KLRC1: variants seen among roughly 807,000 people sequenced by gnomAD.
KLRC1 encodes killer cell lectin like receptor C1, also known as NKG2-A/NKG2-B type II integral membrane protein.
A neutral mutation model predicts 25.9 loss-of-function variants in KLRC1; 22 were observed. The ratio of observed to expected loss-of-function variants is 0.85; its 90% CI spans 0.61 to 1.21. The LOEUF is 1.21. Among genes scored for constraint, KLRC1 ranks in the 50% most tolerant of loss-of-function variants. KLRC1 has a pLI of 0.00. For missense variants in KLRC1, 240 were observed against 272.2 expected, an observed-to-expected ratio of 0.88 and a Z score of 0.83; for synonymous variants, 77 against 93.1, an observed-to-expected ratio of 0.83 and a Z score of 0.99.
At chr12:10,450,881 T>C (rs1156585243) in intron 2 of KLRC1, 89 bp downstream of exon 2, 11 of 937,424 alleles carry the variant, frequency 1.2e-5, no homozygotes, top group Admixed American at 4.6e-5. Flanking sequence ...ATAGAAGATA[T>C]ATGAGCACTC....
downstream of KLRC1, among the ~76,000 whole-genome samples, chr12:10,445,696 C>T (rs1009641763): frequency 1.1e-4 from 16 of 152,070 alleles, no homozygotes; most frequent in African/African-American, 3.6e-4. Context: ...CAATAGTTGA[C>T]ATAATAGATT....
downstream of KLRC1, among the ~76,000 whole-genome samples, chr12:10,443,218 T>C (rs1434571122): frequency 6.4e-5 from 9 of 141,486 alleles, 1 homozygote; most frequent in Non-Finnish European, 1.4e-4. Context: ...TTACATGATG[T>C]CATTATTATG....
Position 10,450,829 on chromosome 12 carries a change from A to G in KLRC1, c.187+141T>C, listed in dbSNP as rs1309489792. ...AGTTCAATCAGTCTTCATACTTTACATTGAAATAGCATATCTCAACTTGGA... is the reference window on the plus strand; with the variant it reads ...AGTTCAATCAGTCTTCATACTTTACGTTGAAATAGCATATCTCAACTTGGA... On this transcript the variant is annotated intron_variant, in intron 2 of 6. Transcript: ENST00000359151. 6 of 701,972 alleles carry G rather than the reference A, an allele frequency of 8.5e-6. No individual in the cohort carries two copies. In the Admixed American group the frequency reaches 1.3e-4, roughly 15 times the overall value. 43.5% of individuals were successfully genotyped at this position (701,972 alleles called of 1,614,324 possible).
At chr12:10,443,209 T>TGTA (rs1863933646), downstream of KLRC1, among the ~76,000 whole-genome samples, 3 of 141,762 alleles carry the variant, frequency 2.1e-5, 1 homozygote, top group Non-Finnish European at 4.6e-5. Flanking sequence ...ACACCATTTT[T>TGTA]ACATGATGTC....
At position 10,446,571 on chromosome 12, in the gene KLRC1, G is replaced by A. The variant is rs377273500; in HGVS notation, c.682C>T (p.His228Tyr). The change falls in exon 7 of 7, where the codon CAT becomes TAT. Residue 228 changes from histidine to tyrosine, a missense_variant. His to Tyr is a moderately conservative substitution (Grantham distance 83, BLOSUM62 2). Transcript: ENST00000359151. ...SAQCGSSIIY[H>Y]CKHKL ...TACCTCTAAAGCTTATGCTTACAAT[G>A]ATATATTATTGAAGATCCACACTGG... 5.3e-5 allele frequency: 85 copies of A among 1,613,532 alleles called. No homozygotes were observed. Among genetic ancestry groups the A allele is most frequent in the Non-Finnish European group, 6.5e-5 (77 of 1,179,768 alleles).
chr12:10,450,007 C>A, intron 3 of KLRC1, 40 bp from the exon 4 acceptor site: 1 of 1,312,802 alleles, frequency 7.6e-7, no homozygotes, highest in Non-Finnish European at 1.0e-6. Flanking sequence ...AAATTAGCAT[C>A]TAAATCAATC....
At chr12:10,449,702 T>C (rs61917722) in intron 4 of KLRC1, among the ~76,000 whole-genome samples, 3 of 152,166 alleles carry the variant, frequency 2.0e-5, no homozygotes, top group Non-Finnish European at 4.4e-5. Context: ...TCTTATCATA[T>C]TATAGCAGTA....
chr12:10,444,943 C>CA (rs1863957431), downstream of KLRC1, among the ~76,000 whole-genome samples: 2 of 111,930 alleles, frequency 1.8e-5, no homozygotes, highest in Admixed American at 2.4e-4. Flanking sequence ...TTTTTTGAGA[C>CA]AGAGTCTCCC....
chr12:10,443,786 C>T (rs1863941001), downstream of KLRC1, among the ~76,000 whole-genome samples: 2 of 140,366 alleles, frequency 1.4e-5, no homozygotes, highest in African/African-American at 2.8e-5. Flanking sequence ...CAATGTAGTA[C>T]CACTAGCCAA....
intron 3 of KLRC1, 180 bp from the exon 4 acceptor site, chr12:10,450,147 A>G (rs1456724317): frequency 2.0e-6 from 1 of 491,208 alleles, no homozygotes; most frequent in Non-Finnish European, 3.4e-6. Flanking sequence ...TCATAGATCT[A>G]AAGAACCAAA....
intron 5 of KLRC1, among the ~76,000 whole-genome samples, chr12:10,448,629 T>A (rs1047965802): frequency 1.1e-4 from 16 of 152,228 alleles, no homozygotes; most frequent in Non-Finnish European, 1.9e-4. Flanking sequence ...CAGGATTGAA[T>A]GGATTCTTAG....
intron 4 of KLRC1, 146 bp from the exon 5 acceptor site, chr12:10,449,534 C>A: frequency 7.2e-7 from 1 of 1,397,326 alleles, no homozygotes; most frequent in Non-Finnish European, 9.6e-7. Context: ...TGTCAAAATA[C>A]CCAGTCACTT....
intron 4 of KLRC1, 101 bp from the exon 5 acceptor site, chr12:10,449,489 T>C: frequency 6.6e-7 from 1 of 1,523,506 alleles, no homozygotes; most frequent in Non-Finnish European, 8.8e-7. Flanking sequence ...GTATGCAACA[T>C]ATCTATACAT....
chr12:10,443,722 C>A (rs1173425679), downstream of KLRC1, among the ~76,000 whole-genome samples: 2 of 141,050 alleles, frequency 1.4e-5, 1 homozygote, highest in South Asian at 4.5e-4. Flanking sequence ...TTCCCAAATA[C>A]ACTGTAATCT....
At chr12:10,446,685 T>G (rs752451278) in intron 6 of KLRC1, 23 bp from the exon 7 acceptor site, 1 of 1,612,916 alleles carries the variant, frequency 6.2e-7, no homozygotes, top group Non-Finnish European at 8.5e-7. Flanking sequence ...AAAATCCATA[T>G]TCTGTTACAT....
At chr12:10,451,634 C>T (rs1471064467) in intron 1 of KLRC1, among the ~76,000 whole-genome samples, 3 of 149,450 alleles carry the variant, frequency 2.0e-5, no homozygotes, top group East Asian at 2.0e-4. Context: ...CCAGCCTGGG[C>T]GACAGAGTGA....
chr12:10,450,949 A>C (rs200768671), intron 2 of KLRC1, 21 bp downstream of exon 2: 3 of 1,564,950 alleles, frequency 1.9e-6, no homozygotes, highest in African/African-American at 2.7e-5. Flanking sequence ...TGTTATATTG[A>C]GGATCTTTTA....
upstream of KLRC1, chr12:10,453,437 G>A (rs1276748860): frequency 1.2e-6 from 1 of 837,326 alleles, no homozygotes; most frequent in Non-Finnish European, 1.4e-6. Flanking sequence ...CTACACATGG[G>A]CTATTGTGAA....
chr12:10,443,533 T>C (rs886564951), downstream of KLRC1, among the ~76,000 whole-genome samples: 17 of 141,212 alleles, frequency 1.2e-4, 3 homozygotes, highest in African/African-American at 3.3e-4. Context: ...GTTCAACATA[T>C]AATTGAATAA....
Sources: allele counts gnomAD v4.1 joint callset (sites outside exome capture counted in the v4.1 genomes callset), GRCh38; gene constraint gnomAD v4.1.1; transcripts MANE v1.5; gene names NCBI Gene and HGNC (gene_info 2026-07-23, HGNC 2026-07-21).